Variants in SLC13A3 observed in about 807,000 individuals in gnomAD.
The protein encoded by SLC13A3 is Na(+)/dicarboxylate cotransporter 3.
In SLC13A3, 40 loss-of-function variants were observed where a neutral mutation model predicts 59.0. That is an observed-to-expected ratio of 0.68 (90% CI 0.53 to 0.88). The LOEUF is 0.88. SLC13A3 is among the 40% of genes least tolerant of loss of function. The probability of loss-of-function intolerance (pLI) is 0.00; values close to 1 mark genes in which losing one functional copy is unlikely to be tolerated. For synonymous variants in SLC13A3, 317 were observed against 330.3 expected, an observed-to-expected ratio of 0.96 and a Z score of 0.44; for missense variants, 699 against 783.2, an observed-to-expected ratio of 0.89 and a Z score of 1.28.
At chr20:46,585,456 C>T (rs1053918905) in intron 8 of SLC13A3, 8 of 996,918 alleles carry the variant, frequency 8.0e-6, no homozygotes, top group African/African-American at 1.7e-5. Flanking sequence ...GACGTGATCA[C>T]ATTTCTGTTA....
At chr20:46,663,169 T>G (rs2063041658) in intron 1 of SLC13A3, among the ~76,000 whole-genome samples, 2 of 151,958 alleles carry the variant, frequency 1.3e-5, no homozygotes, top group Non-Finnish European at 2.9e-5. Context: ...CCTAGCTGGG[T>G]GCAGTGGCTC....
chr20:46,675,557 C>T (rs1453650571), intron 1 of SLC13A3, among the ~76,000 whole-genome samples: 3 of 147,240 alleles, frequency 2.0e-5, no homozygotes, highest in African/African-American at 2.5e-5. Context: ...CTTTTTTTTT[C>T]TTTCTTTCTT....
chr20:46,565,599 C>T (rs2061972915), intron 11 of SLC13A3, among the ~76,000 whole-genome samples: 1 of 152,024 alleles, frequency 6.6e-6, no homozygotes, highest in Non-Finnish European at 1.5e-5. Context: ...GCTGGGATTA[C>T]AGGCATGAGT....
chr20:46,575,499 T>C, intron 10 of SLC13A3, 74 bp downstream of exon 10: 3 of 819,096 alleles, frequency 3.7e-6, no homozygotes, highest in Middle Eastern at 3.0e-4. Context: ...ATCCTGGTGC[T>C]GCAGCCAGCA....
Position 46,600,055 on chromosome 20 carries a change from G to C in SLC13A3, c.542-18C>G. On this transcript the variant is annotated intron_variant, in intron 3 of 12. Transcript: ENST00000279027. ...CACAGCAGCTAGGAGGAAAGAGCATGATGTCTTTAATGTAATGTAGCGAAT... is the reference window on the plus strand; with the variant it reads ...CACAGCAGCTAGGAGGAAAGAGCATCATGTCTTTAATGTAATGTAGCGAAT... 1.3e-6 allele frequency: 2 copies of C among 1,551,804 alleles called. No homozygotes were observed. Among genetic ancestry groups the C allele is most frequent in the Non-Finnish European group, 1.8e-6 (2 of 1,137,496 alleles).
chr20:46,576,547 A>G (rs1817713155), intron 9 of SLC13A3, among the ~76,000 whole-genome samples: 1 of 152,134 alleles, frequency 6.6e-6, no homozygotes, highest in South Asian at 2.1e-4. Flanking sequence ...CAGGGAGATG[A>G]GGCATTTCCA....
chr20:46,580,838 A>G (rs1251493238), intron 9 of SLC13A3, among the ~76,000 whole-genome samples: 1 of 152,168 alleles, frequency 6.6e-6, no homozygotes, highest in Non-Finnish European at 1.5e-5. Context: ...ACCCACCAGT[A>G]TACCATGTCA....
intron 8 of SLC13A3, chr20:46,585,665 T>C: frequency 7.8e-7 from 1 of 1,289,504 alleles, no homozygotes; most frequent in Non-Finnish European, 1.0e-6. Flanking sequence ...GAAAGATGTA[T>C]ATCAGAATTA....
At chr20:46,612,275 G>A (rs1229390701) in intron 2 of SLC13A3, among the ~76,000 whole-genome samples, 1 of 151,842 alleles carries the variant, frequency 6.6e-6, no homozygotes, top group East Asian at 1.9e-4. Flanking sequence ...GGGATCACAG[G>A]CATGCGCCAC....
chr20:46,582,868 C>T (rs950469760), intron 9 of SLC13A3: 9 of 985,372 alleles, frequency 9.1e-6, no homozygotes, highest in African/African-American at 7.0e-5. Flanking sequence ...TGCTGGACAC[C>T]GGAGGGAGTC....
In SLC13A3 at chr20:46,563,500, C is replaced by A. The variant is rs761477917; in HGVS notation, c.1546G>T (p.Gly516Cys). The A allele has an allele frequency of 9.3e-6, 15 of 1,613,880 alleles. No individual in the cohort carries two copies. In the Middle Eastern group the frequency reaches 4.9e-4, roughly 53 times the overall value. The change falls in exon 12 of 13, where the codon GGC (glycine) becomes TGC (cysteine). Residue 516 changes from glycine to cysteine, a missense_variant. By Grantham distance (159) the Gly-to-Cys change is radical (BLOSUM62 -3). Coordinates refer to ENST00000279027, the MANE Select transcript of SLC13A3 (RefSeq NM_022829.6). Reference protein sequence around the residue: ...PLYLMIPGTVGCSFAFMLPVS... With the variant: ...PLYLMIPGTVCCSFAFMLPVS... Reference sequence around the variant, plus strand: ...GGGAGCATGAAGGCAAAGGAGCAGCCGACTGTGCCCGGAATCATCAGATAC... The same window carrying A: ...GGGAGCATGAAGGCAAAGGAGCAGCAGACTGTGCCCGGAATCATCAGATAC...
intron 1 of SLC13A3, among the ~76,000 whole-genome samples, chr20:46,664,051 A>T (rs1235522683): frequency 6.6e-6 from 1 of 152,196 alleles, no homozygotes; most frequent in African/African-American, 2.4e-5. Context: ...AACTTCTAGC[A>T]TGTGGTTCTC....
At chr20:46,656,335 T>A (rs1233655335), upstream of SLC13A3, among the ~76,000 whole-genome samples, 1 of 115,008 alleles carries the variant, frequency 8.7e-6, no homozygotes, top group Non-Finnish European at 1.8e-5. Context: ...TGATATACTA[T>A]ACAGTATATA....
At chr20:46,576,000 G>C (rs762978573) in intron 9 of SLC13A3, among the ~76,000 whole-genome samples, 6 of 152,176 alleles carry the variant, frequency 3.9e-5, no homozygotes, top group Admixed American at 6.5e-5. Context: ...ATTTATAAGA[G>C]AAAAGGCTTT....
intron 1 of SLC13A3, among the ~76,000 whole-genome samples, chr20:46,635,707 C>G (rs6122513): frequency 0.093 from 14,085 of 152,162 alleles, 890 homozygotes; most frequent in East Asian, 0.21. Flanking sequence ...GGGCTGCATT[C>G]CCAGGAAGTT....
chr20:46,588,780 G>C (rs2062221969), intron 7 of SLC13A3, among the ~76,000 whole-genome samples: 1 of 152,178 alleles, frequency 6.6e-6, no homozygotes, highest in Admixed American at 6.5e-5. Context: ...GAGTGGCACA[G>C]CTGGTCCTTG....
At position 46,676,805 on chromosome 20, in the gene SLC13A3, G is replaced by A. The variant is rs546468325; in HGVS notation, c.-31+7591C>T. On this transcript the variant is annotated intron_variant, in intron 1 of 6. Coordinates refer to the SLC13A3 transcript ENST00000372121. Reference sequence around the variant, plus strand: ...TGGGCTGCGTGGAAACAGTGGGGACGACGGCAGAAGTGGGGAGAACCATGA... The same window carrying A: ...TGGGCTGCGTGGAAACAGTGGGGACAACGGCAGAAGTGGGGAGAACCATGA... Among the ~76,000 whole-genome samples, 111 of 152,322 alleles carry A rather than the reference G, an allele frequency of 7.3e-4. 2 individuals are homozygous for A. The Middle Eastern group carries it at 0.024, about 33-fold the overall frequency.
intron 8 of SLC13A3, chr20:46,585,393 A>G (rs2062180444): frequency 1.0e-6 from 1 of 998,060 alleles, no homozygotes; most frequent in Non-Finnish European, 1.2e-6. Context: ...ATGAGTATGC[A>G]TAACTTTTGA....
intron 12 of SLC13A3, 52 bp downstream of exon 12, chr20:46,563,362 C>T (rs575329010): frequency 1.3e-6 from 2 of 1,586,766 alleles, no homozygotes; most frequent in Non-Finnish European, 8.6e-7. Context: ...TGCCCGCCCC[C>T]TTGCGGCCCA....
Sources: gnomAD v4.1 joint callset for allele counts (sites outside exome capture counted in the v4.1 genomes callset) on GRCh38, gnomAD v4.1.1 for gene constraint, MANE v1.5 for transcripts, NCBI Gene and HGNC (gene_info 2026-07-23, HGNC 2026-07-21) for gene names.